SDK1: variants seen among roughly 807,000 people sequenced by gnomAD.
SDK1 encodes protein sidekick-1.
SDK1 carries 157 observed loss-of-function variants against 245.5 expected under a neutral mutation model. The ratio of observed to expected loss-of-function variants is 0.64; its 90% confidence interval spans 0.56 to 0.73. The LOEUF (loss-of-function observed/expected upper bound fraction) is 0.73, where lower values mean the gene tolerates loss of function less well. SDK1 is among the 30% of genes least tolerant of loss of function. The probability of loss-of-function intolerance (pLI) is 0.00; values close to 1 mark genes in which losing one functional copy is unlikely to be tolerated. For missense variants in SDK1, 3,583 were observed against 3,002.3 expected (o/e 1.19, Z -4.52); for synonymous variants, 1,647 against 1,278.5 (o/e 1.29, Z -6.15).
chr7:3,988,699 A>C (rs1426064831), intron 14 of SDK1, among the ~76,000 whole-genome samples: 1 of 152,032 alleles, frequency 6.6e-6, no homozygotes, highest in Non-Finnish European at 1.5e-5. Context: ...CTAGATTGTC[A>C]CCCTTCATGA....
chr7:3,390,766 C>G (rs1413468301), intron 1 of SDK1, among the ~76,000 whole-genome samples: 1 of 152,112 alleles, frequency 6.6e-6, no homozygotes, highest in Non-Finnish European at 1.5e-5. Context: ...CCCTTTGAGC[C>G]CTCAGGAAGG....
In SDK1 at chr7:4,130,053, G is replaced by C. The variant is rs1208905227; in HGVS notation, c.4085G>C (p.Gly1362Ala). 1 of 1,612,460 alleles carries C rather than the reference G, an allele frequency of 6.2e-7. No individual in the cohort carries two copies. The highest frequency in any genetic ancestry group is 8.5e-7 in the Non-Finnish European group (1 of 1,179,226). ...CTGGCGTTCACCCGCATCGGGAACGGGGTCCCCAGCACGCCCCTCATCCTG... is the reference window on the plus strand; with the variant it reads ...CTGGCGTTCACCCGCATCGGGAACGCGGTCCCCAGCACGCCCCTCATCCTG... ...QVLAFTRIGN[G>A]VPSTPLILER... is the part of the protein sequence containing the mutation. The change falls in exon 27 of 45, where the codon GGG becomes GCG. Residue 1362 changes from glycine to alanine, a missense_variant. By Grantham distance (60) the Gly-to-Ala change is moderately conservative (BLOSUM62 0). Coordinates refer to ENST00000404826, the MANE Select transcript of SDK1 (RefSeq NM_152744.4).
intron 14 of SDK1, among the ~76,000 whole-genome samples, chr7:3,996,222 T>G (rs1784689380): frequency 6.6e-6 from 1 of 152,188 alleles, no homozygotes; most frequent in South Asian, 2.1e-4. Context: ...AAAAGTCTGC[T>G]TGTGGATTAT....
At chr7:3,988,507 A>C (rs1231216039) in intron 14 of SDK1, among the ~76,000 whole-genome samples, 1 of 152,060 alleles carries the variant, frequency 6.6e-6, no homozygotes, top group Non-Finnish European at 1.5e-5. Flanking sequence ...GCTGCGTGCA[A>C]TATAGAAGCC....
chr7:3,841,550 T>G (rs1363800745), intron 5 of SDK1, among the ~76,000 whole-genome samples: 1 of 151,820 alleles, frequency 6.6e-6, no homozygotes, highest in Non-Finnish European at 1.5e-5. Context: ...TCAAGTATTA[T>G]CAGATTATTT....
rs540050648 is a variant in SDK1, at chr7:3,483,924, G to C, written c.299-135156G>C. Among the ~76,000 whole-genome samples the C allele has an allele frequency of 2.0e-5, 3 of 152,138 alleles. No homozygotes were observed. The South Asian group carries it at 6.2e-4, about 32-fold the overall frequency. ...TCTAACATTTTAAAATTTATTTTTA[G>C]TTTTTAACTAATACATAATAGTTGG... is the stretch of plus-strand genomic sequence containing the variant. On this transcript the variant is annotated intron_variant, in intron 1 of 44. Coordinates refer to ENST00000404826, the MANE Select transcript of SDK1 (RefSeq NM_152744.4).
intron 2 of SDK1, among the ~76,000 whole-genome samples, chr7:3,630,495 G>C (rs1782256685): frequency 6.6e-6 from 1 of 152,158 alleles, no homozygotes; most frequent in Non-Finnish European, 1.5e-5. Flanking sequence ...GGTAGGATGG[G>C]CATGGTGGTG....
chr7:3,585,400 G>T (rs929448930), intron 1 of SDK1, among the ~76,000 whole-genome samples: 1 of 152,204 alleles, frequency 6.6e-6, no homozygotes, highest in Admixed American at 6.5e-5. Context: ...AGAGATAATT[G>T]ATGAAAGAAT....
intron 1 of SDK1, among the ~76,000 whole-genome samples, chr7:3,368,224 T>G (rs10499327): frequency 2.0e-5 from 3 of 152,010 alleles, no homozygotes; most frequent in African/African-American, 7.2e-5. Flanking sequence ...ATAAGTCATG[T>G]TAATTTCTAG....
At chr7:3,917,832 A>T (rs547431907) in intron 5 of SDK1, among the ~76,000 whole-genome samples, 1 of 152,328 alleles carries the variant, frequency 6.6e-6, no homozygotes, top group Non-Finnish European at 1.5e-5. Flanking sequence ...ATAGCGTGGC[A>T]AGTGCATGCA....
At chr7:3,939,530 C>A (rs1234412067) in intron 5 of SDK1, among the ~76,000 whole-genome samples, 4 of 152,046 alleles carry the variant, frequency 2.6e-5, no homozygotes, top group Non-Finnish European at 5.9e-5. Flanking sequence ...AAGTGCATCT[C>A]AGAATTGCCC....
rs138630929 is a variant in SDK1 at position 3,516,821 on chromosome 7, C to T, written c.299-102259C>T. Among the ~76,000 whole-genome samples the T allele has an allele frequency of 5.9e-3, 897 of 152,228 alleles. 10 individuals carry two copies. The highest frequency in any genetic ancestry group is 0.019 in the African/African-American group (788 of 41,542). ...ATGGAGACAAAATCATTCAAAGGAA[C>T]GCACTCACTTAAGAATTCATTAACT... On this transcript the variant is annotated intron_variant, in intron 1 of 44. Coordinates refer to ENST00000404826, the MANE Select transcript of SDK1 (RefSeq NM_152744.4).
chr7:3,950,561 A>C (rs371154111), intron 5 of SDK1, among the ~76,000 whole-genome samples: 1 of 152,214 alleles, frequency 6.6e-6, no homozygotes, highest in African/African-American at 2.4e-5. Flanking sequence ...TGCCTGATTT[A>C]CACATTTATG....
chr7:3,541,781 G>C (rs940649337), intron 1 of SDK1, among the ~76,000 whole-genome samples: 65 of 152,190 alleles, frequency 4.3e-4, no homozygotes, highest in African/African-American at 1.5e-3. Flanking sequence ...CCCAATGCAT[G>C]ACTTAGGCAA....
Position 4,090,044 on chromosome 7 carries a change from C to T in SDK1, c.3324+10460C>T, listed in dbSNP as rs536918748. ...TCTTTAGGAGTCGTCCTAGGTGACGCATTTTTGGCCAGAATGTGGGGGAAG... is the reference window on the plus strand; with the variant it reads ...TCTTTAGGAGTCGTCCTAGGTGACGTATTTTTGGCCAGAATGTGGGGGAAG... On this transcript the variant is annotated intron_variant, in intron 22 of 44. Transcript: ENST00000404826. Among the ~76,000 whole-genome samples the T allele has an allele frequency of 2.0e-5, 3 of 152,314 alleles. No homozygotes were observed. The South Asian group carries it at 6.2e-4, about 32-fold the overall frequency.
intron 1 of SDK1, among the ~76,000 whole-genome samples, chr7:3,451,912 G>A (rs1780527643): frequency 6.6e-6 from 1 of 152,108 alleles, no homozygotes; most frequent in African/African-American, 2.4e-5. Context: ...CCTCCAAATG[G>A]GAGTGTTAGC....
chr7:3,859,147 C>T (rs1305706658), intron 5 of SDK1, among the ~76,000 whole-genome samples: 3 of 152,100 alleles, frequency 2.0e-5, no homozygotes, highest in African/African-American at 7.2e-5. Flanking sequence ...CAGGCGTGAG[C>T]CACCAAGCCC....
chr7:3,835,810 A>G (rs142274383), intron 5 of SDK1, among the ~76,000 whole-genome samples: 6 of 152,178 alleles, frequency 3.9e-5, no homozygotes, highest in Admixed American at 1.3e-4. Flanking sequence ...AGCAATTTCA[A>G]TATGGATTGG....
chr7:4,049,225 C>T, intron 17 of SDK1, 123 bp from the exon 18 acceptor site: 1 of 670,412 alleles, frequency 1.5e-6, no homozygotes, highest in Non-Finnish European at 2.6e-6. Flanking sequence ...ATCACACTTC[C>T]TCGGTCTCAG....
Sources: gnomAD v4.1 joint callset for allele counts (sites outside exome capture counted in the v4.1 genomes callset) on GRCh38, gnomAD v4.1.1 for gene constraint, MANE v1.5 for transcripts, NCBI Gene and HGNC (gene_info 2026-07-23, HGNC 2026-07-21) for gene names.